Variants in MIER1 observed in about 807,000 individuals in gnomAD.
The protein encoded by MIER1 is MIER1 transcriptional regulator.
A neutral mutation model predicts 75.7 loss-of-function variants in MIER1; 40 were observed. That is an observed-to-expected ratio of 0.53 (90% confidence interval 0.41 to 0.69). MIER1 has a LOEUF of 0.69. Ranked by LOEUF, MIER1 falls within the 30% of genes least tolerant of loss-of-function variation. The pLI is 0.00. For synonymous variants in MIER1, 213 were observed against 223.4 expected (o/e 0.95, Z 0.42); for missense variants, 574 against 680.2 (o/e 0.84, Z 1.74).
chr1:66,981,964 CT>C, intron 13 of MIER1, 46 bp downstream of exon 13: 2 of 1,600,432 alleles, frequency 1.2e-6, no homozygotes, highest in Non-Finnish European at 1.7e-6. Flanking sequence ...ATAAGGGACA[CT>C]TTCTTGCAGT....
chr1:66,954,567 G>A (rs936293480), intron 4 of MIER1, among the ~76,000 whole-genome samples: 5 of 152,112 alleles, frequency 3.3e-5, no homozygotes, highest in African/African-American at 1.2e-4. Flanking sequence ...ATCTGTGCCA[G>A]TTCTATTACG....
At chr1:66,941,983 A>C (rs1306030679) in intron 3 of MIER1, among the ~76,000 whole-genome samples, 1 of 151,790 alleles carries the variant, frequency 6.6e-6, no homozygotes, top group East Asian at 1.9e-4. Flanking sequence ...AAAAAAAAAA[A>C]AAAACAGTCT....
At chr1:66,925,343 C>T (rs1569957064) in intron 1 of MIER1, 3 of 985,472 alleles carry the variant, frequency 3.0e-6, no homozygotes, top group Non-Finnish European at 2.4e-6. Flanking sequence ...GCCTTTTTGC[C>T]TTCGCGGTGG....
At position 66,984,616 on chromosome 1, in the gene MIER1, G is replaced by A. The variant is rs762325914; in HGVS notation, c.1414G>A (p.Val472Ile). ...GPGEILNKEE[V>I]KVEGLHINGP... ...AGGTGAAATATTAAACAAAGAGGAA[G>A]TAAAAGTTGAAGGGTTACACATTAA... Residue 472 changes from valine (V) to isoleucine (I), a missense_variant, in exon 14 of 14, where the codon GTA (valine) becomes ATA (isoleucine). Val to Ile is a conservative substitution (Grantham distance 29, BLOSUM62 3). This residue lies in a region of MIER1 where 164 missense variants were observed against 154.3 expected (regional missense o/e 1.06). Transcript: ENST00000401041. 4 of 1,609,862 alleles carry A rather than the reference G, an allele frequency of 2.5e-6. No homozygotes were observed. In the African/African-American group the frequency reaches 5.4e-5, roughly 22 times the overall value.
intron 2 of MIER1, among the ~76,000 whole-genome samples, chr1:66,927,310 T>C (rs2100998162): frequency 6.6e-6 from 1 of 152,232 alleles, no homozygotes; most frequent in African/African-American, 2.4e-5. Context: ...CTTTGTATAG[T>C]GGTTTTTTGT....
At chr1:66,948,203 A>T in intron 4 of MIER1, 1 of 931,432 alleles carries the variant, frequency 1.1e-6, no homozygotes. Context: ...ATGAATGGAT[A>T]TATCAGTCTG....
At chr1:66,946,450 G>GTATTTTCTGTCTTATATTCTATATTAGCT (rs1356673748) in intron 4 of MIER1, 155 bp downstream of exon 4, 1 of 1,349,708 alleles carries the variant, frequency 7.4e-7, no homozygotes, top group African/African-American at 1.5e-5. Context: ...TTTAAAGTTT[G>GTATTTTCTGTCTTATATTCTATATTAGCT]AAATGAAAGG....
At chr1:66,957,971 A>G in intron 4 of MIER1, 88 bp from the exon 5 acceptor site, 3 of 733,840 alleles carry the variant, frequency 4.1e-6, no homozygotes, top group Middle Eastern at 2.8e-4. Flanking sequence ...TTCACTATAG[A>G]ATGAATACTC....
intron 9 of MIER1, 24 bp downstream of exon 9, chr1:66,970,983 G>A: frequency 1.3e-6 from 2 of 1,558,326 alleles, no homozygotes; most frequent in Non-Finnish European, 1.7e-6. Flanking sequence ...ACAACTGTTA[G>A]AACTTTGCCA....
At position 66,986,422 on chromosome 1, in the gene MIER1, T is replaced by A; in HGVS notation, c.*1522T>A. 6.2e-7 allele frequency: 1 copy of A among 1,613,384 alleles called. No homozygotes were observed. Among genetic ancestry groups the A allele is most frequent in the Non-Finnish European group, 8.5e-7 (1 of 1,179,482 alleles). On this transcript the variant is annotated 3_prime_UTR_variant, in exon 14 of 14. Coordinates refer to ENST00000401041, the MANE Select transcript of MIER1 (RefSeq NM_001077700.3). ...ACACAGGCATACTCCAAATGCTTCT[T>A]CCAGTTCATTTTTCAGCCATCAGTT...
chr1:66,970,221 G>T (rs1356475389), intron 8 of MIER1, among the ~76,000 whole-genome samples: 1 of 152,050 alleles, frequency 6.6e-6, no homozygotes, highest in Non-Finnish European at 1.5e-5. Flanking sequence ...AAAAAGTAAT[G>T]ACTTGTTTTT....
chr1:66,981,253 A>AC lies in MIER1; in HGVS notation c.1230-524dup, dbSNP rs113716959. 6.1e-3 allele frequency among the ~76,000 whole-genome samples: 925 copies of AC among 152,314 alleles called. 7 individuals carry two copies. The highest frequency in any genetic ancestry group is 0.021 in the African/African-American group (864 of 41,564). On this transcript the variant is annotated intron_variant, in intron 12 of 13. Coordinates refer to ENST00000401041, the MANE Select transcript of MIER1 (RefSeq NM_001077700.3). ...TACAATGAGAAAGTGACAGGATAAA[A>AC]CCAGCAGATAATCCCAGGAATTTAG...
At chr1:66,975,780 T>C (rs1367915036) in intron 11 of MIER1, among the ~76,000 whole-genome samples, 1 of 152,142 alleles carries the variant, frequency 6.6e-6, no homozygotes, top group African/African-American at 2.4e-5. Context: ...ATTAGCATTA[T>C]TATGATACTT....
At chr1:66,928,410 T>G (rs913219883) in intron 2 of MIER1, among the ~76,000 whole-genome samples, 6 of 152,202 alleles carry the variant, frequency 3.9e-5, no homozygotes, top group Non-Finnish European at 8.8e-5. Flanking sequence ...GTTATTTCTG[T>G]ACCTTGTATT....
chr1:66,928,205 CAATATT>C (rs1267040689), intron 2 of MIER1, among the ~76,000 whole-genome samples: 1 of 151,880 alleles, frequency 6.6e-6, no homozygotes, highest in African/African-American at 2.4e-5. Flanking sequence ...TATTGATACA[CAATATT>C]AATAAACTTA....
At position 66,988,372 on chromosome 1, in the gene MIER1, G is replaced by GT. The variant is rs1283651707; in HGVS notation, c.*3472_*3473insT. On this transcript the variant is annotated 3_prime_UTR_variant, in exon 14 of 14. Coordinates refer to ENST00000401041, the MANE Select transcript of MIER1 (RefSeq NM_001077700.3). ...GTTCATCCTTTGCAGAATCTTAAAGGGTTTTCCACACATCCATCCACCCAC... is the reference window on the plus strand; with the variant it reads ...GTTCATCCTTTGCAGAATCTTAAAGGTGTTTTCCACACATCCATCCACCCAC... The GT allele has an allele frequency of 6.6e-6, 1 of 151,804 alleles. No homozygotes were observed. The highest frequency in any genetic ancestry group is 1.5e-5 in the Non-Finnish European group (1 of 67,748). The allele number at this position is 151,804 out of a possible 1,614,324, so 9.4% of individuals were successfully genotyped here.
At chr1:66,927,317 T>C (rs1474124149) in intron 2 of MIER1, among the ~76,000 whole-genome samples, 3 of 152,134 alleles carry the variant, frequency 2.0e-5, no homozygotes, top group Admixed American at 1.3e-4. Context: ...TAGTGGTTTT[T>C]TGTTTTGGGA....
chr1:66,971,586 C>G (rs896485156), intron 9 of MIER1, 69 bp from the exon 10 acceptor site: 42 of 801,486 alleles, frequency 5.2e-5, no homozygotes, highest in Non-Finnish European at 6.9e-5. Context: ...GTTTGAAAAA[C>G]TTTTAAGAAA....
chr1:66,958,214 AAAT>A lies in MIER1; in HGVS notation c.498_500del (p.Asn166del). The A allele has an allele frequency of 6.3e-7, 1 of 1,598,584 alleles. No individual in the cohort carries two copies. Among genetic ancestry groups the A allele is most frequent in the Non-Finnish European group, 8.6e-7 (1 of 1,166,786 alleles). On this transcript the variant is annotated inframe_deletion, in exon 5 of 14. Transcript: ENST00000401041. ...ATGACAACAGTGGCTGTAGTGGGGA[AAAT>A]AAAGTAAGTCTATATACATATATTT...
Sources: allele counts gnomAD v4.1 joint callset (sites outside exome capture counted in the v4.1 genomes callset), GRCh38; gene constraint gnomAD v4.1.1; regional missense constraint gnomAD v4.1.1; transcripts MANE v1.5; gene names NCBI Gene and HGNC (gene_info 2026-07-23, HGNC 2026-07-21).